The following PDE1A variants were observed in gnomAD, a reference collection of about 807,000 sequenced individuals.
PDE1A encodes the protein phosphodiesterase 1A, also known as dual specificity calcium/calmodulin-dependent 3',5'-cyclic nucleotide phosphodiesterase 1A.
PDE1A carries 35 observed loss-of-function variants against 61.7 expected under a neutral mutation model. That is an observed-to-expected ratio of 0.57 (90% confidence interval 0.43 to 0.75). The LOEUF (loss-of-function observed/expected upper bound fraction) is 0.75, where lower values mean the gene tolerates loss of function less well. Ranked by LOEUF, PDE1A falls within the 30% of genes least tolerant of loss-of-function variation. The pLI is 0.00. For synonymous variants in PDE1A, 232 were observed against 213.2 expected (o/e 1.09, Z -0.77); for missense variants, 597 against 630.6 (o/e 0.95, Z 0.57).
At chr2:182,274,688 C>T (rs1693278369) in intron 1 of PDE1A, among the ~76,000 whole-genome samples, 1 of 152,090 alleles carries the variant, frequency 6.6e-6, no homozygotes, top group Non-Finnish European at 1.5e-5. Flanking sequence ...GATTCTCTCT[C>T]TCTCTTTCCC....
At chr2:182,694,843 T>G in the PDE1A span, among the ~76,000 whole-genome samples, 1 of 148,206 alleles carries the variant, frequency 6.7e-6, no homozygotes, top group Non-Finnish European at 1.5e-5. Flanking sequence ...GGGCAACAGT[T>G]GTTTGTTTGT....
At chr2:182,406,884 T>A (rs1702327559) in intron 1 of PDE1A, among the ~76,000 whole-genome samples, 4 of 152,236 alleles carry the variant, frequency 2.6e-5, no homozygotes, top group African/African-American at 9.6e-5. Context: ...TACCTTCTTG[T>A]TGCTCTGTCA....
intron 2 of PDE1A, among the ~76,000 whole-genome samples, chr2:182,434,073 C>T (rs1704089511): frequency 6.6e-6 from 1 of 151,974 alleles, no homozygotes; most frequent in Non-Finnish European, 1.5e-5. Flanking sequence ...TGTATCTGTT[C>T]AATGCATGAA....
the PDE1A span, among the ~76,000 whole-genome samples, chr2:182,625,472 T>C: frequency 6.6e-6 from 1 of 152,206 alleles, no homozygotes; most frequent in Non-Finnish European, 1.5e-5. Context: ...CAATTGATAT[T>C]AAGTTCAGGG....
chr2:182,144,723 C>A (rs558211221), downstream of PDE1A, among the ~76,000 whole-genome samples: 1 of 152,266 alleles, frequency 6.6e-6, no homozygotes, highest in Admixed American at 6.5e-5. Flanking sequence ...AGAAGGTGTG[C>A]TAAATTTGCA....
At chr2:182,242,943 G>GTGTGTGTGTGTGTGTGTGTGTGTGT (rs71008214) in intron 2 of PDE1A, among the ~76,000 whole-genome samples, 1 of 137,388 alleles carries the variant, frequency 7.3e-6, no homozygotes, top group Non-Finnish European at 1.6e-5. Flanking sequence ...GTATGTGTGT[G>GTGTGTGTGTGTGTGTGTGTGTGTGT]TGTGTGTTGT....
At chr2:182,269,697 A>G (rs1692883765) in intron 1 of PDE1A, among the ~76,000 whole-genome samples, 1 of 152,100 alleles carries the variant, frequency 6.6e-6, no homozygotes, top group South Asian at 2.1e-4. Flanking sequence ...AATGATCCTA[A>G]TAGTGACAGA....
At position 182,399,781 on chromosome 2, in the gene PDE1A, T is replaced by G. The variant is rs1701900139; in HGVS notation, c.53+26797A>C. 2.0e-5 allele frequency among the ~76,000 whole-genome samples: 3 copies of G among 152,204 alleles called. No homozygotes were observed. The South Asian group carries it at 6.2e-4, about 32-fold the overall frequency. ...TTTCACTCCTCCTAATAGCTGCCTATGTTCCATGGTTTGATTATACTATAA... is the reference window on the plus strand; with the variant it reads ...TTTCACTCCTCCTAATAGCTGCCTAGGTTCCATGGTTTGATTATACTATAA... On this transcript the variant is annotated intron_variant, in intron 1 of 13. Coordinates refer to ENST00000351439, the Ensembl canonical transcript of PDE1A.
chr2:182,560,058 G>A, the PDE1A span, among the ~76,000 whole-genome samples: 5 of 140,624 alleles, frequency 3.6e-5, no homozygotes, highest in Non-Finnish European at 6.4e-5. Flanking sequence ...GGAAGAGATA[G>A]GGATTCTTTT....
chr2:182,414,405 C>T lies in PDE1A; in HGVS notation c.53+12173G>A, dbSNP rs575697561. ...AGGGAAAACCCAGAAACAACATCTA[C>T]CTAGGAGTCCTAAGGCCACTATCTG... is the stretch of plus-strand genomic sequence containing the variant. On this transcript the variant is annotated intron_variant, in intron 1 of 13. Transcript: ENST00000351439. Among the ~76,000 whole-genome samples the T allele has an allele frequency of 2.7e-4, 41 of 152,218 alleles. No homozygotes were observed. In the Middle Eastern group the frequency reaches 0.01, roughly 38 times the overall value.
the PDE1A span, among the ~76,000 whole-genome samples, chr2:182,689,026 A>G: frequency 6.6e-6 from 1 of 152,220 alleles, no homozygotes; most frequent in Admixed American, 6.5e-5. Flanking sequence ...AGATTCATAA[A>G]GCAAGTCCTT....
At chr2:182,597,135 G>C in the PDE1A span, among the ~76,000 whole-genome samples, 20 of 151,466 alleles carry the variant, frequency 1.3e-4, no homozygotes, top group Admixed American at 8.5e-4. Context: ...CTGGGCAACA[G>C]AGTGAGACCC....
At chr2:182,579,797 C>T in the PDE1A span, among the ~76,000 whole-genome samples, 3 of 151,612 alleles carry the variant, frequency 2.0e-5, no homozygotes, top group South Asian at 2.1e-4. Context: ...AAGTGGTATA[C>T]ACTTGTATAA....
At chr2:182,279,708 T>C (rs1235635106) in intron 1 of PDE1A, among the ~76,000 whole-genome samples, 1 of 151,940 alleles carries the variant, frequency 6.6e-6, no homozygotes, top group Non-Finnish European at 1.5e-5. Flanking sequence ...CAAATACATA[T>C]AGTTTTATAA....
chr2:182,314,736 G>A (rs1006693203), intron 1 of PDE1A, among the ~76,000 whole-genome samples: 3 of 151,994 alleles, frequency 2.0e-5, no homozygotes, highest in African/African-American at 7.3e-5. Flanking sequence ...AACTTTTTGG[G>A]GTAATGTCTA....
At chr2:182,548,867 G>A in the PDE1A span, among the ~76,000 whole-genome samples, 1 of 152,184 alleles carries the variant, frequency 6.6e-6, no homozygotes, top group Non-Finnish European at 1.5e-5. Flanking sequence ...AGTGTGTGCA[G>A]ACCAGTCCTA....
At chr2:182,212,391 G>GAATACAATACA (rs1687696246) in intron 7 of PDE1A, among the ~76,000 whole-genome samples, 1 of 152,054 alleles carries the variant, frequency 6.6e-6, no homozygotes, top group South Asian at 2.1e-4. Flanking sequence ...CAATCTTTTA[G>GAATACAATACA]AATACAATAC....
chr2:182,427,031 C>T lies in PDE1A; in HGVS notation c.-401G>A, dbSNP rs554658618. The T allele has an allele frequency of 6.7e-5, 67 of 995,312 alleles. No homozygotes were observed. In the African/African-American group the frequency reaches 8.3e-4, roughly 12 times the overall value. 61.7% of individuals were successfully genotyped at this position (995,312 alleles called of 1,614,324 possible). ...CTCCTTCCACATGCTGGTCAAGCTC[C>T]GAAAGGCTAAGTCCCTCCCTGTCTT... On this transcript the variant is annotated 5_prime_UTR_variant, in exon 1 of 14. Transcript: ENST00000351439.
chr2:182,635,756 GT>G, the PDE1A span, among the ~76,000 whole-genome samples: 2 of 151,272 alleles, frequency 1.3e-5, no homozygotes, highest in African/African-American at 2.4e-5. Flanking sequence ...TGGGAGGTGA[GT>G]TTTTTTGGTT....
Sources: gnomAD v4.1 joint callset for allele counts (sites outside exome capture counted in the v4.1 genomes callset) on GRCh38, gnomAD v4.1.1 for gene constraint, MANE v1.5 for transcripts, NCBI Gene and HGNC (gene_info 2026-07-23, HGNC 2026-07-21) for gene names.